The following HCRTR2 variants were observed in gnomAD, a reference collection of about 807,000 sequenced individuals.
HCRTR2 encodes the protein hypocretin receptor 2.
A neutral mutation model predicts 49.0 loss-of-function variants in HCRTR2; 22 were observed. The observed-to-expected ratio is 0.45, with a 90% CI of 0.32 to 0.64. The LOEUF is 0.64. Ranked by LOEUF, HCRTR2 falls within the 30% of genes least tolerant of loss-of-function variation. HCRTR2 has a pLI of 0.04. For missense variants in HCRTR2, 491 were observed against 559.4 expected (o/e 0.88, Z 1.23); for synonymous variants, 236 against 205.3 (o/e 1.15, Z -1.28).
At chr6:55,225,658 A>C (rs1301579642) in intron 1 of HCRTR2, among the ~76,000 whole-genome samples, 1 of 152,250 alleles carries the variant, frequency 6.6e-6, no homozygotes, top group African/African-American at 2.4e-5. Context: ...AATGCAGTGT[A>C]CTATAATTCC....
At chr6:55,199,067 A>G (rs921652491) in intron 1 of HCRTR2, among the ~76,000 whole-genome samples, 1 of 152,198 alleles carries the variant, frequency 6.6e-6, no homozygotes, top group Admixed American at 6.5e-5. Context: ...AACTGGGTAC[A>G]CTAATATGAA....
chr6:55,189,640 C>T (rs1765282299), intron 1 of HCRTR2, among the ~76,000 whole-genome samples: 4 of 151,996 alleles, frequency 2.6e-5, no homozygotes, highest in African/African-American at 4.8e-5. Flanking sequence ...GGCCTGTTGT[C>T]GGGACTATGG....
At chr6:55,147,655 T>C (rs778080282) in intron 1 of HCRTR2, among the ~76,000 whole-genome samples, 2 of 152,220 alleles carry the variant, frequency 1.3e-5, no homozygotes, top group Non-Finnish European at 2.9e-5. Flanking sequence ...CTATAATTCA[T>C]TTTGATGATC....
At chr6:55,193,829 T>A (rs1185588245) in intron 1 of HCRTR2, among the ~76,000 whole-genome samples, 3 of 152,140 alleles carry the variant, frequency 2.0e-5, no homozygotes, top group Non-Finnish European at 4.4e-5. Flanking sequence ...TGAATTCCAT[T>A]AATGGATATG....
At chr6:55,179,669 C>G (rs1410027216) in intron 1 of HCRTR2, among the ~76,000 whole-genome samples, 1 of 152,028 alleles carries the variant, frequency 6.6e-6, no homozygotes, top group Admixed American at 6.6e-5. Flanking sequence ...TTAAAAAATA[C>G]CAGTTTTCAA....
At chr6:55,188,262 A>C (rs1765259072) in intron 1 of HCRTR2, among the ~76,000 whole-genome samples, 2 of 152,252 alleles carry the variant, frequency 1.3e-5, no homozygotes, top group African/African-American at 4.8e-5. Context: ...CCAATGCCTC[A>C]GTGATCTGTA....
At chr6:55,193,851 G>C (rs1765363391) in intron 1 of HCRTR2, among the ~76,000 whole-genome samples, 1 of 151,980 alleles carries the variant, frequency 6.6e-6, no homozygotes, top group East Asian at 1.9e-4. Flanking sequence ...TGATACCATG[G>C]GTTTCTCTGA....
At chr6:55,122,332 T>A (rs886419946) in intron 1 of HCRTR2, among the ~76,000 whole-genome samples, 2 of 152,038 alleles carry the variant, frequency 1.3e-5, no homozygotes, top group South Asian at 2.1e-4. Flanking sequence ...TTTTTTATTG[T>A]GTCTATTTGA....
At chr6:55,217,508 T>C (rs1765810384) in intron 1 of HCRTR2, among the ~76,000 whole-genome samples, 1 of 152,136 alleles carries the variant, frequency 6.6e-6, no homozygotes, top group Non-Finnish European at 1.5e-5. Flanking sequence ...TTTACTTTAT[T>C]ATTGTCAAGT....
chr6:55,183,575 C>T (rs1765168702), intron 1 of HCRTR2, among the ~76,000 whole-genome samples: 1 of 152,150 alleles, frequency 6.6e-6, no homozygotes, highest in African/African-American at 2.4e-5. Flanking sequence ...AGAGTACCAT[C>T]ATTGGTTTGC....
chr6:55,141,105 T>G (rs7748236), intron 1 of HCRTR2, among the ~76,000 whole-genome samples: 1 of 151,552 alleles, frequency 6.6e-6, no homozygotes, highest in Non-Finnish European at 1.5e-5. Context: ...GAGGCCGATG[T>G]GGGTGGATCA....
chr6:55,208,022 G>A (rs1323660760), intron 1 of HCRTR2, among the ~76,000 whole-genome samples: 1 of 152,096 alleles, frequency 6.6e-6, no homozygotes, highest in Non-Finnish European at 1.5e-5. Flanking sequence ...AGCTTTAATG[G>A]CATCATCATG....
intron 1 of HCRTR2, among the ~76,000 whole-genome samples, chr6:55,121,741 C>A (rs1764202821): frequency 6.6e-6 from 1 of 152,030 alleles, no homozygotes; most frequent in East Asian, 1.9e-4. Flanking sequence ...GTCTTTGGTT[C>A]TGTTTATATG....
chr6:55,240,611 TA>T (rs1766309296), intron 1 of HCRTR2, among the ~76,000 whole-genome samples: 1 of 152,012 alleles, frequency 6.6e-6, no homozygotes, highest in South Asian at 2.1e-4. Flanking sequence ...GGAGTAAAAC[TA>T]GCAATAGAAA....
chr6:55,217,465 C>T (rs1392471002), intron 1 of HCRTR2, among the ~76,000 whole-genome samples: 1 of 152,092 alleles, frequency 6.6e-6, no homozygotes, highest in Non-Finnish European at 1.5e-5. Context: ...ATCATGAATG[C>T]TTTGCTCCTT....
intron 4 of HCRTR2, among the ~76,000 whole-genome samples, chr6:55,272,333 G>T (rs1766988627): frequency 6.6e-6 from 1 of 152,048 alleles, no homozygotes; most frequent in Non-Finnish European, 1.5e-5. Flanking sequence ...AAAATAATTT[G>T]TCCTTGGCAC....
chr6:55,243,640 C>T (rs1410281176), intron 1 of HCRTR2, among the ~76,000 whole-genome samples: 1 of 152,096 alleles, frequency 6.6e-6, no homozygotes, highest in Non-Finnish European at 1.5e-5. Context: ...ATGAGCAAAT[C>T]AATTCCATCC....
intron 1 of HCRTR2, among the ~76,000 whole-genome samples, chr6:55,221,023 TA>T (rs2127295735): frequency 6.6e-6 from 1 of 152,212 alleles, no homozygotes; most frequent in Non-Finnish European, 1.5e-5. Flanking sequence ...CTGAAAACCA[TA>T]AAAGCATTAC....
At chr6:55,200,981 T>C (rs1245717004) in intron 1 of HCRTR2, among the ~76,000 whole-genome samples, 1 of 152,130 alleles carries the variant, frequency 6.6e-6, no homozygotes, top group East Asian at 1.9e-4. Context: ...AATGCAATTT[T>C]TTACTTGGAT....
Sources: allele counts gnomAD v4.1 joint callset (sites outside exome capture counted in the v4.1 genomes callset), GRCh38; gene constraint gnomAD v4.1.1; transcripts MANE v1.5; gene names NCBI Gene and HGNC (gene_info 2026-07-23, HGNC 2026-07-21).